The following KDM4C variants were observed in gnomAD, a reference collection of about 807,000 sequenced individuals.
The protein encoded by KDM4C is lysine-specific demethylase 4C.
A neutral mutation model predicts 129.3 loss-of-function variants in KDM4C; 81 were observed. That is an observed-to-expected ratio of 0.63 (90% CI 0.52 to 0.75). KDM4C has a LOEUF of 0.75. Among genes scored for constraint, KDM4C ranks in the 30% least tolerant of loss-of-function variants. The pLI is 0.00. For synonymous variants in KDM4C, 573 were observed against 456.1 expected (o/e 1.26, Z -3.26); for missense variants, 1,457 against 1,304.0 (o/e 1.12, Z -1.81).
At chr9:6,995,598 G>A (rs959219180) in intron 12 of KDM4C, among the ~76,000 whole-genome samples, 4 of 152,094 alleles carry the variant, frequency 2.6e-5, no homozygotes, top group African/African-American at 9.7e-5. Flanking sequence ...AGCTAGGTTT[G>A]TTTACATTGG....
chr9:6,946,174 A>C (rs910285391), intron 8 of KDM4C, among the ~76,000 whole-genome samples: 1 of 152,186 alleles, frequency 6.6e-6, no homozygotes, highest in Non-Finnish European at 1.5e-5. Context: ...GATACTATAC[A>C]TGGAGAGATT....
chr9:6,789,031 C>G (rs1826008203), intron 1 of KDM4C, among the ~76,000 whole-genome samples: 1 of 151,156 alleles, frequency 6.6e-6, no homozygotes, highest in Non-Finnish European at 1.5e-5. Flanking sequence ...AGGTGAGGGC[C>G]AGATCCAGAT....
At chr9:7,075,350 T>C (rs1015107921) in intron 17 of KDM4C, among the ~76,000 whole-genome samples, 11 of 152,188 alleles carry the variant, frequency 7.2e-5, no homozygotes, top group African/African-American at 2.7e-4. Context: ...AAAATTCATG[T>C]TGAAACTCGA....
chr9:6,864,824 A>AT (rs199772404), intron 5 of KDM4C, among the ~76,000 whole-genome samples: 2,120 of 145,134 alleles, frequency 0.015, 51 homozygotes, highest in African/African-American at 0.05. Context: ...TTTTTAATTT[A>AT]TTTTTTTTCT....
At chr9:6,779,366 A>C (rs1823819352) in intron 1 of KDM4C, among the ~76,000 whole-genome samples, 1 of 145,126 alleles carries the variant, frequency 6.9e-6, no homozygotes, top group Admixed American at 7.1e-5. Context: ...TGAGCAGGGT[A>C]AGGAGAGAGT....
At chr9:6,862,839 C>CAAACA (rs1422210195) in intron 5 of KDM4C, among the ~76,000 whole-genome samples, 10 of 149,102 alleles carry the variant, frequency 6.7e-5, no homozygotes, top group Admixed American at 6.6e-4. Flanking sequence ...AACAAACAAA[C>CAAACA]AAAAAACAAA....
At chr9:7,084,166 C>T (rs1291939738) in intron 17 of KDM4C, among the ~76,000 whole-genome samples, 1 of 152,204 alleles carries the variant, frequency 6.6e-6, no homozygotes, top group African/African-American at 2.4e-5. Context: ...GGGCTTCTAA[C>T]TTAACACAGG....
chr9:6,798,638 T>A (rs946765246), intron 2 of KDM4C, among the ~76,000 whole-genome samples: 2 of 152,230 alleles, frequency 1.3e-5, no homozygotes, highest in African/African-American at 4.8e-5. Flanking sequence ...CATGTCTACT[T>A]CTTTCCACAC....
chr9:6,983,041 A>G (rs1031142432), intron 9 of KDM4C, among the ~76,000 whole-genome samples: 2 of 152,162 alleles, frequency 1.3e-5, no homozygotes, highest in African/African-American at 4.8e-5. Flanking sequence ...TTTCACATAT[A>G]CTACACTGTT....
Position 6,765,711 on chromosome 9 carries a change from GACCCA to G in KDM4C, c.-18+7511_-18+7515del, listed in dbSNP as rs61471479. Among the ~76,000 whole-genome samples the G allele has an allele frequency of 7.4e-3, 1,127 of 152,218 alleles. 13 individuals carry two copies. The highest frequency in any genetic ancestry group is 0.026 in the African/African-American group (1,068 of 41,530). On this transcript the variant is annotated intron_variant, in intron 1 of 21. Coordinates refer to ENST00000381309, the MANE Select transcript of KDM4C (RefSeq NM_015061.6). ...TTGGGAAATACATCTTACCCATCGT[GACCCA>G]ACACACATAAATATATAAAATTGAA... is the stretch of plus-strand genomic sequence containing the variant.
chr9:6,778,461 C>G (rs1232278106), intron 1 of KDM4C, among the ~76,000 whole-genome samples: 1 of 151,800 alleles, frequency 6.6e-6, no homozygotes, highest in East Asian at 2.0e-4. Flanking sequence ...CAGCTAAATA[C>G]AAAAGTTTAT....
chr9:6,931,468 T>A (rs62533769), intron 8 of KDM4C, among the ~76,000 whole-genome samples: 38,360 of 151,894 alleles, frequency 0.25, 5,353 homozygotes, highest in South Asian at 0.39. Context: ...TTTTGTTGGG[T>A]CTGTGGATGT....
chr9:7,002,270 C>A (rs562400047), intron 12 of KDM4C, among the ~76,000 whole-genome samples: 6 of 152,236 alleles, frequency 3.9e-5, no homozygotes, highest in Non-Finnish European at 5.9e-5. Flanking sequence ...TTTTATATTA[C>A]CTAGCATATG....
rs117057631 is a variant in KDM4C at position 6,992,734 on chromosome 9, A to G, written c.1786+2210A>G. ...CTGGGAGCATACAATTCCAAATCCAACTCCTTTGGGGGATTTTCTGTCCTA... is the reference window on the plus strand; with the variant it reads ...CTGGGAGCATACAATTCCAAATCCAGCTCCTTTGGGGGATTTTCTGTCCTA... On this transcript the variant is annotated intron_variant, in intron 12 of 21. Coordinates refer to ENST00000381309, the MANE Select transcript of KDM4C (RefSeq NM_015061.6). Among the ~76,000 whole-genome samples, 559 of 151,888 alleles carry G rather than the reference A, an allele frequency of 3.7e-3. 8 individuals carry two copies. Among genetic ancestry groups the G allele is most frequent in the Non-Finnish European group, 2.5e-3 (170 of 67,938 alleles).
chr9:6,870,696 G>A (rs1015509873), intron 5 of KDM4C, among the ~76,000 whole-genome samples: 1 of 151,900 alleles, frequency 6.6e-6, no homozygotes, highest in African/African-American at 2.4e-5. Context: ...TCATTTTGGG[G>A]TTGTTATCTG....
chr9:6,904,252 A>C (rs1817909108), intron 8 of KDM4C, among the ~76,000 whole-genome samples: 1 of 152,140 alleles, frequency 6.6e-6, no homozygotes, highest in African/African-American at 2.4e-5. Context: ...AAAAAGAAAA[A>C]AAAATCTGTA....
At chr9:6,746,180 ATCTGCCCACCTCGG>A (rs1563924014) in intron 1 of KDM4C, among the ~76,000 whole-genome samples, 1 of 150,240 alleles carries the variant, frequency 6.7e-6, no homozygotes, top group Non-Finnish European at 1.5e-5. Flanking sequence ...ACCTCAAGTG[ATCTGCCCACCTCGG>A]TCTCCCAGAG....
chr9:6,916,236 A>G (rs1820285789), intron 8 of KDM4C, among the ~76,000 whole-genome samples: 1 of 111,384 alleles, frequency 9.0e-6, no homozygotes, highest in Admixed American at 8.5e-5. Flanking sequence ...TTACAGAGTT[A>G]TCCGGACCTT....
In KDM4C at chr9:6,793,017, T is replaced by C. The variant is rs759830027; in HGVS notation, c.29T>C (p.Leu10Pro). 1.2e-5 allele frequency: 20 copies of C among 1,614,096 alleles called. No individual in the cohort carries two copies. The Admixed American group carries it at 2.0e-4, about 16-fold the overall frequency. Residue 10 changes from leucine (L) to proline (P), a missense_variant, in exon 2 of 22, where the codon CTG (leucine) becomes CCG (proline). Transcript: ENST00000381309. ...GAGGTGGCCGAGGTGGAAAGTCCTCTGAACCCCAGCTGTAAGATAATGACC... is the reference window on the plus strand; with the variant it reads ...GAGGTGGCCGAGGTGGAAAGTCCTCCGAACCCCAGCTGTAAGATAATGACC... MEVAEVESP[L>P]NPSCKIMTFR... is the part of the protein sequence containing the mutation.
Sources: gnomAD v4.1 joint callset for allele counts (sites outside exome capture counted in the v4.1 genomes callset) on GRCh38, gnomAD v4.1.1 for gene constraint, MANE v1.5 for transcripts, NCBI Gene and HGNC (gene_info 2026-07-23, HGNC 2026-07-21) for gene names.